Variants in SWT1 observed in about 807,000 individuals in gnomAD.
SWT1 encodes the protein transcriptional protein SWT1.
Under a neutral mutation model 107.3 loss-of-function variants are expected in SWT1, and 33 were observed. The observed-to-expected ratio is 0.31, with a 90% confidence interval of 0.23 to 0.41. SWT1 has a LOEUF of 0.41. Ranked by LOEUF, SWT1 falls within the 10% of genes least tolerant of loss-of-function variation. The pLI is 1.00. For synonymous variants in SWT1, 345 were observed against 348.3 expected (o/e 0.99, Z 0.11); for missense variants, 898 against 1,028.9 (o/e 0.87, Z 1.74).
At chr1:185,215,776 G>T (rs1011235098) in intron 14 of SWT1, among the ~76,000 whole-genome samples, 3 of 152,078 alleles carry the variant, frequency 2.0e-5, no homozygotes, top group African/African-American at 4.8e-5. Flanking sequence ...CTGGACTCAA[G>T]CAATCCTCCT....
At chr1:185,169,279 CTTT>C (rs56786132) in intron 4 of SWT1, among the ~76,000 whole-genome samples, 1 of 133,142 alleles carries the variant, frequency 7.5e-6, no homozygotes, top group Admixed American at 7.5e-5. Context: ...CACTGATATC[CTTT>C]TTTTTTTTTT....
At chr1:185,238,987 T>C (rs1359006754) in intron 16 of SWT1, among the ~76,000 whole-genome samples, 1 of 152,104 alleles carries the variant, frequency 6.6e-6, no homozygotes, top group Non-Finnish European at 1.5e-5. Context: ...AATGACCTAG[T>C]TTCATTTGGT....
intron 4 of SWT1, among the ~76,000 whole-genome samples, chr1:185,170,236 G>C (rs1654932424): frequency 6.6e-6 from 1 of 152,138 alleles, no homozygotes; most frequent in South Asian, 2.1e-4. Flanking sequence ...TTCTAAAACA[G>C]AGCAGACACT....
chr1:185,243,697 A>G (rs1414665251), intron 16 of SWT1, among the ~76,000 whole-genome samples: 1 of 152,158 alleles, frequency 6.6e-6, no homozygotes, highest in African/African-American at 2.4e-5. Context: ...CAACATATAC[A>G]CTTTCTCTTA....
chr1:185,267,036 G>A (rs1033059846), intron 16 of SWT1, among the ~76,000 whole-genome samples: 17 of 152,290 alleles, frequency 1.1e-4, no homozygotes, highest in African/African-American at 3.8e-4. Context: ...GGTAGTGGTT[G>A]TCCTTTTATT....
chr1:185,194,701 A>G (rs978991125), intron 10 of SWT1, among the ~76,000 whole-genome samples: 2 of 151,886 alleles, frequency 1.3e-5, no homozygotes, highest in African/African-American at 4.8e-5. Flanking sequence ...GGCATTCTGC[A>G]TTTTTGTTAC....
chr1:185,190,426 T>C (rs1335581462), intron 9 of SWT1, 123 bp from the exon 10 acceptor site: 2 of 610,162 alleles, frequency 3.3e-6, no homozygotes, highest in East Asian at 5.5e-5. Context: ...ACCATCATAG[T>C]ATCATACCTT....
intron 13 of SWT1, among the ~76,000 whole-genome samples, chr1:185,209,192 T>G (rs1448153744): frequency 2.0e-5 from 3 of 152,040 alleles, no homozygotes; most frequent in African/African-American, 7.2e-5. Context: ...TGAGCTCCCC[T>G]CCTTCGTGCT....
At chr1:185,269,287 A>G (rs561318204) in intron 16 of SWT1, among the ~76,000 whole-genome samples, 4 of 151,312 alleles carry the variant, frequency 2.6e-5, no homozygotes, top group South Asian at 2.1e-4. Context: ...ATCCTTCTCC[A>G]TATGTATTAT....
intron 2 of SWT1, among the ~76,000 whole-genome samples, chr1:185,163,224 G>A (rs913851734): frequency 6.6e-6 from 1 of 152,030 alleles, no homozygotes; most frequent in Non-Finnish European, 1.5e-5. Flanking sequence ...ACATTTTACA[G>A]CAGAACTTTC....
At chr1:185,218,723 A>G (rs1203807397) in intron 14 of SWT1, among the ~76,000 whole-genome samples, 2 of 152,208 alleles carry the variant, frequency 1.3e-5, no homozygotes. Flanking sequence ...CTAAGATGAT[A>G]GAGTAATTAA....
chr1:185,173,797 G>A (rs1655304727), intron 4 of SWT1, among the ~76,000 whole-genome samples: 1 of 151,970 alleles, frequency 6.6e-6, no homozygotes. Context: ...CAAGTGGATT[G>A]CTTGAGCCCA....
intron 14 of SWT1, among the ~76,000 whole-genome samples, chr1:185,219,965 G>A (rs943777415): frequency 6.6e-6 from 1 of 151,596 alleles, no homozygotes; most frequent in African/African-American, 2.4e-5. Flanking sequence ...GCAACATGGC[G>A]AAACTCTGTC....
intron 16 of SWT1, among the ~76,000 whole-genome samples, chr1:185,250,684 A>G (rs1244020343): frequency 6.6e-6 from 1 of 152,068 alleles, no homozygotes; most frequent in Non-Finnish European, 1.5e-5. Flanking sequence ...ATTTTTTGAG[A>G]TGGAGTCTTG....
intron 18 of SWT1, among the ~76,000 whole-genome samples, chr1:185,282,343 T>C (rs1188015398): frequency 6.6e-6 from 1 of 151,686 alleles, no homozygotes; most frequent in Non-Finnish European, 1.5e-5. Context: ...TTATATTTTG[T>C]TTACCTTCGA....
chr1:185,218,048 G>A (rs1659354730), intron 14 of SWT1, among the ~76,000 whole-genome samples: 1 of 152,124 alleles, frequency 6.6e-6, no homozygotes, highest in South Asian at 2.1e-4. Flanking sequence ...CAAAAAGGTT[G>A]GGGACTGATG....
At chr1:185,230,882 G>C (rs1660461872) in intron 15 of SWT1, among the ~76,000 whole-genome samples, 1 of 151,978 alleles carries the variant, frequency 6.6e-6, no homozygotes. Flanking sequence ...CAAGTAGCTG[G>C]GACTACAGGC....
In SWT1 at chr1:185,197,653, A is replaced by G. The variant is rs148457607; in HGVS notation, c.1524-5001A>G. ...TTCAGAACTTGTTGTTGGTCTATTCAGGGATTCAGCTTCTTCCTGATTTAG... is the reference window on the plus strand; with the variant it reads ...TTCAGAACTTGTTGTTGGTCTATTCGGGGATTCAGCTTCTTCCTGATTTAG... On this transcript the variant is annotated intron_variant, in intron 10 of 18. Coordinates refer to ENST00000367500, the MANE Select transcript of SWT1 (RefSeq NM_017673.7). Among the ~76,000 whole-genome samples the G allele has an allele frequency of 5.9e-3, 902 of 152,248 alleles. 33 individuals carry two copies. In the East Asian group the frequency reaches 0.095, roughly 16 times the overall value.
In SWT1 at chr1:185,190,634, T is replaced by C; in HGVS notation, c.1515T>C (p.Ile505=). 6.3e-7 allele frequency: 1 copy of C among 1,593,200 alleles called. No homozygotes were observed. The highest frequency in any genetic ancestry group is 1.3e-5 in the African/African-American group (1 of 74,608). ...AATTATTCCCTTGTTCTTTTGTTATTCTGTGCACGTGAGTTTCATAGTCAT... is the reference window on the plus strand; with the variant it reads ...AATTATTCCCTTGTTCTTTTGTTATCCTGTGCACGTGAGTTTCATAGTCAT... ...HQELFPCSFV[I]LCTDDRNLRN... is the part of the protein sequence containing the mutation. Residue 505 remains isoleucine (I), a synonymous_variant, in exon 10 of 19, where the codon ATT becomes ATC. Coordinates refer to ENST00000367500, the MANE Select transcript of SWT1 (RefSeq NM_017673.7).
Sources: gnomAD v4.1 joint callset for allele counts (sites outside exome capture counted in the v4.1 genomes callset) on GRCh38, gnomAD v4.1.1 for gene constraint, MANE v1.5 for transcripts, NCBI Gene and HGNC (gene_info 2026-07-23, HGNC 2026-07-21) for gene names.